The following KAT6B variants were observed in gnomAD, a reference collection of about 807,000 sequenced individuals.
KAT6B encodes lysine acetyltransferase 6B.
KAT6B carries 10 observed loss-of-function variants against 187.5 expected under a neutral mutation model. The ratio of observed to expected loss-of-function variants is 0.05; its 90% CI spans 0.03 to 0.09. The LOEUF is 0.09. Ranked by LOEUF, KAT6B falls within the 10% of genes least tolerant of loss-of-function variation. The probability of loss-of-function intolerance (pLI) is 1.00; values close to 1 mark genes in which losing one functional copy is unlikely to be tolerated. For missense variants in KAT6B, 1,952 were observed against 2,558.9 expected (o/e 0.76, Z 5.12); for synonymous variants, 861 against 926.8 (o/e 0.93, Z 1.29).
intron 3 of KAT6B, among the ~76,000 whole-genome samples, chr10:74,929,959 G>A (rs939327706): frequency 2.8e-5 from 4 of 140,366 alleles, no homozygotes; most frequent in African/African-American, 8.0e-5. Context: ...TCAAGCTGTT[G>A]CCCAGGCTGG....
chr10:74,870,360 C>A (rs1210688559), intron 3 of KAT6B, among the ~76,000 whole-genome samples: 1 of 152,114 alleles, frequency 6.6e-6, no homozygotes, highest in African/African-American at 2.4e-5. Flanking sequence ...GGCCCAAGGG[C>A]AGATTGTCAA....
intron 3 of KAT6B, among the ~76,000 whole-genome samples, chr10:74,930,700 A>G (rs929897524): frequency 2.6e-5 from 4 of 152,202 alleles, no homozygotes; most frequent in Non-Finnish European, 4.4e-5. Context: ...TTTGAAATAT[A>G]TCATGTATGT....
At chr10:74,934,592 C>T (rs1470774360) in intron 3 of KAT6B, among the ~76,000 whole-genome samples, 1 of 152,118 alleles carries the variant, frequency 6.6e-6, no homozygotes, top group East Asian at 1.9e-4. Flanking sequence ...GCTCTGGAGT[C>T]TCATTTCCCT....
chr10:74,935,514 G>T (rs1467263122), intron 3 of KAT6B, among the ~76,000 whole-genome samples: 1 of 152,122 alleles, frequency 6.6e-6, no homozygotes, highest in Admixed American at 6.6e-5. Context: ...TGTTGCTCAG[G>T]CTGGTCTTGA....
At chr10:75,011,454 C>T (rs906323496) in intron 13 of KAT6B, among the ~76,000 whole-genome samples, 9 of 152,156 alleles carry the variant, frequency 5.9e-5, no homozygotes, top group African/African-American at 2.2e-4. Context: ...CTCTGGGTCA[C>T]AAATCAGAGC....
chr10:74,939,951 TATTA>T (rs1204738720), intron 3 of KAT6B, among the ~76,000 whole-genome samples: 4 of 152,188 alleles, frequency 2.6e-5, no homozygotes, highest in Non-Finnish European at 5.9e-5. Flanking sequence ...ATAACATCAA[TATTA>T]ATTAGGATGA....
intron 1 of KAT6B, among the ~76,000 whole-genome samples, chr10:74,832,548 C>T (rs992642276): frequency 2.0e-5 from 3 of 152,062 alleles, no homozygotes; most frequent in African/African-American, 4.8e-5. Context: ...GTTGCCCAGG[C>T]TGGAGTGCAA....
intron 13 of KAT6B, among the ~76,000 whole-genome samples, chr10:74,990,760 A>C (rs1248326121): frequency 6.6e-6 from 1 of 152,222 alleles, no homozygotes; most frequent in East Asian, 1.9e-4. Context: ...TAAGTAGTTC[A>C]TAAATATAGT....
At chr10:74,921,501 G>A (rs1160896217) in intron 3 of KAT6B, among the ~76,000 whole-genome samples, 1 of 152,132 alleles carries the variant, frequency 6.6e-6, no homozygotes, top group Non-Finnish European at 1.5e-5. Flanking sequence ...ATCTATCAAG[G>A]CATTTGTTCT....
intron 12 of KAT6B, 41 bp from the exon 13 acceptor site, chr10:74,988,978 G>A (rs944512569): frequency 2.8e-6 from 4 of 1,410,080 alleles, no homozygotes; most frequent in Non-Finnish European, 4.0e-6. Context: ...GCCCACTTCA[G>A]CAGGGCTCTG....
At chr10:74,969,358 G>C (rs760705566) in intron 4 of KAT6B, among the ~76,000 whole-genome samples, 2 of 152,212 alleles carry the variant, frequency 1.3e-5, no homozygotes, top group Non-Finnish European at 2.9e-5. Flanking sequence ...AGGTGCAGGA[G>C]TAAGAATGCC....
Position 75,028,942 on chromosome 10 carries a change from A to AAGG in KAT6B, c.4126_4128dup (p.Gly1376dup), listed in dbSNP as rs1345473557. 6.2e-7 allele frequency: 1 copy of AAGG among 1,612,408 alleles called. No homozygotes were observed. Among genetic ancestry groups the AAGG allele is most frequent in the Non-Finnish European group, 8.5e-7 (1 of 1,179,058 alleles). Reference sequence around the variant, plus strand: ...GAAGAAGAGGAAGGGGAAGAAGAAGAAGGAGGAGGAAATGTAGAAAAAGAT... The same window carrying AAGG: ...GAAGAAGAGGAAGGGGAAGAAGAAGAAGGAGGAGGAGGAAATGTAGAAAAAGAT... On this transcript the variant is annotated inframe_insertion, in exon 18 of 18. Coordinates refer to ENST00000287239, the MANE Select transcript of KAT6B (RefSeq NM_012330.4).
At chr10:74,934,777 T>C (rs1266070443) in intron 3 of KAT6B, among the ~76,000 whole-genome samples, 1 of 152,236 alleles carries the variant, frequency 6.6e-6, no homozygotes, top group Non-Finnish European at 1.5e-5. Context: ...TAAAAGTCTT[T>C]TTGAATTAAC....
Position 75,030,543 on chromosome 10 carries a change from A to G in KAT6B, c.5719A>G (p.Ile1907Val), listed in dbSNP as rs199623586. Residue 1907 changes from isoleucine to valine, a missense_variant, in exon 18 of 18, where the codon ATC (isoleucine) becomes GTC (valine). Coordinates refer to ENST00000287239, the MANE Select transcript of KAT6B (RefSeq NM_012330.4). This position sits in a 1 kb window ranked among gnomAD's most constrained non-coding sequence, Gnocchi z 4.8. ...GAACATGGCTGCATCAAATATTGGC[A>G]TCTCTCACAGCCAAAGACTGCAAAC... ...QRNMAASNIG[I>V]SHSQRLQTQI... The G allele has an allele frequency of 4.4e-6, 7 of 1,607,666 alleles. No homozygotes were observed. Among genetic ancestry groups the G allele is most frequent in the Non-Finnish European group, 6.0e-6 (7 of 1,175,054 alleles).
intron 3 of KAT6B, among the ~76,000 whole-genome samples, chr10:74,929,375 C>T (rs1478663391): frequency 6.6e-6 from 1 of 152,162 alleles, no homozygotes; most frequent in Non-Finnish European, 1.5e-5. Flanking sequence ...TACAGATGCT[C>T]TTGCGTACAG....
intron 3 of KAT6B, among the ~76,000 whole-genome samples, chr10:74,934,344 CT>C (rs985837585): frequency 6.6e-6 from 1 of 152,100 alleles, no homozygotes; most frequent in Admixed American, 6.5e-5. Flanking sequence ...TTCTGGATGA[CT>C]TTTTTTCTCT....
In KAT6B at chr10:74,963,970, GA is replaced by G. The variant is rs201724468; in HGVS notation, c.730+3904del. On this transcript the variant is annotated intron_variant, in intron 4 of 17. Transcript: ENST00000287239. ...GAAACCCCATCCCTACTAAAAAAAG[GA>G]AAAAAAAAAAATTAGCCGGGCATGG... is the stretch of plus-strand genomic sequence containing the variant. 3.5e-3 allele frequency among the ~76,000 whole-genome samples: 507 copies of G among 144,860 alleles called. 3 individuals carry two copies. Among genetic ancestry groups the G allele is most frequent in the African/African-American group, 0.011 (444 of 39,874 alleles).
intron 3 of KAT6B, among the ~76,000 whole-genome samples, chr10:74,874,116 T>C (rs1844217296): frequency 6.6e-6 from 1 of 152,242 alleles, no homozygotes; most frequent in Non-Finnish European, 1.5e-5. Context: ...TTTAGTTTAA[T>C]ATTCACATAT....
chr10:74,826,814 G>C (rs569269806), intron 1 of KAT6B, 29 bp downstream of exon 1: 2 of 151,812 alleles, frequency 1.3e-5, no homozygotes, highest in African/African-American at 4.9e-5. Flanking sequence ...GCGTTCCCAG[G>C]GGGAGGAGAC....
Sources: gnomAD v4.1 joint callset for allele counts (sites outside exome capture counted in the v4.1 genomes callset) on GRCh38, gnomAD v4.1.1 for gene constraint, Gnocchi (gnomAD v3.1) non-coding constraint, MANE v1.5 for transcripts, NCBI Gene and HGNC (gene_info 2026-07-23, HGNC 2026-07-21) for gene names.